USP40: variants seen among roughly 807,000 people sequenced by gnomAD.
USP40 encodes ubiquitin specific peptidase 40.
Under a neutral mutation model 166.2 loss-of-function variants are expected in USP40, and 143 were observed. The ratio of observed to expected loss-of-function variants is 0.86; its 90% CI spans 0.75 to 0.99. The LOEUF (loss-of-function observed/expected upper bound fraction) is 0.99, where lower values mean the gene tolerates loss of function less well. Among genes scored for constraint, USP40 ranks in the 50% least tolerant of loss-of-function variants. The probability of loss-of-function intolerance (pLI) is 0.00; values close to 1 mark genes in which losing one functional copy is unlikely to be tolerated. For synonymous variants in USP40, 498 were observed against 524.0 expected, an observed-to-expected ratio of 0.95 and a Z score of 0.68; for missense variants, 1,444 against 1,479.7, an observed-to-expected ratio of 0.98 and a Z score of 0.40.
chr2:233,550,427 T>A (rs2070446234), intron 7 of USP40, among the ~76,000 whole-genome samples: 1 of 152,000 alleles, frequency 6.6e-6, no homozygotes, highest in Non-Finnish European at 1.5e-5. Flanking sequence ...GAAAATTATT[T>A]ATTTGGTTAC....
intron 8 of USP40, among the ~76,000 whole-genome samples, chr2:233,547,410 A>G (rs1361224971): frequency 6.6e-6 from 1 of 152,212 alleles, no homozygotes; most frequent in Non-Finnish European, 1.5e-5. Context: ...TGTCAGAAAT[A>G]CAGACGAACA....
chr2:233,536,257 G>T (rs1486729537), intron 10 of USP40, among the ~76,000 whole-genome samples: 1 of 152,116 alleles, frequency 6.6e-6, no homozygotes, highest in African/African-American at 2.4e-5. Context: ...TTTCAGCAAA[G>T]AAATGTACAC....
At chr2:233,557,060 G>C in intron 4 of USP40, 41 bp from the exon 5 acceptor site, 1 of 1,548,054 alleles carries the variant, frequency 6.5e-7, no homozygotes, top group Non-Finnish European at 8.7e-7. Context: ...CCGGGCTTCA[G>C]ATTTTTTAAA....
Position 233,510,699 on chromosome 2 carries a change from C to T in USP40, c.2527-564G>A, listed in dbSNP as rs181753983. Among the ~76,000 whole-genome samples, 54 of 152,148 alleles carry T rather than the reference C, an allele frequency of 3.5e-4. No individual in the cohort carries two copies. In the East Asian group the frequency reaches 9.6e-3, roughly 27 times the overall value. On this transcript the variant is annotated intron_variant, in intron 20 of 31. Transcript: ENST00000678225. ...GATTACAGATGTGAGCCACCGCGCC[C>T]GGCCAACATACACTATTTCTTCTAC...
intron 11 of USP40, among the ~76,000 whole-genome samples, chr2:233,531,235 T>G (rs2068500099): frequency 6.6e-6 from 1 of 152,214 alleles, no homozygotes; most frequent in South Asian, 2.1e-4. Flanking sequence ...TCTACCTTTT[T>G]GCATTACCAC....
chr2:233,515,772 T>C (rs2067146867), intron 18 of USP40, among the ~76,000 whole-genome samples: 1 of 152,226 alleles, frequency 6.6e-6, no homozygotes, highest in South Asian at 2.1e-4. Context: ...TATGATAAAG[T>C]AACAAAGATT....
chr2:233,526,798 C>T (rs551852627), intron 13 of USP40, among the ~76,000 whole-genome samples: 1 of 152,148 alleles, frequency 6.6e-6, no homozygotes, highest in South Asian at 2.1e-4. Flanking sequence ...ATCACACTGC[C>T]TCAACTTCAA....
In USP40 at chr2:233,493,333, A is replaced by G. The variant is rs1462637394; in HGVS notation, c.2917+92T>C. On this transcript the variant is annotated intron_variant, in intron 25 of 31. Coordinates refer to ENST00000678225, the MANE Select transcript of USP40 (RefSeq NM_001365479.2). This position sits in a 1 kb window ranked among gnomAD's most constrained non-coding sequence, Gnocchi z 4.7. ...TGATTTTCAAGATCTTACGTTTTAAAAATAAATATATCAATTGACTCTCAG... is the reference window on the plus strand; with the variant it reads ...TGATTTTCAAGATCTTACGTTTTAAGAATAAATATATCAATTGACTCTCAG... 1 of 1,551,862 alleles carries G rather than the reference A, an allele frequency of 6.4e-7. No homozygotes were observed.
At chr2:233,553,487 G>A (rs907483734) in intron 6 of USP40, among the ~76,000 whole-genome samples, 7 of 152,128 alleles carry the variant, frequency 4.6e-5, no homozygotes, top group Non-Finnish European at 8.8e-5. Flanking sequence ...ATCAGTACTG[G>A]GATAAAACAC....
rs2066871873 is a variant in USP40 at position 233,511,948 on chromosome 2, A to G, written c.2438-151T>C. ...TCAGACAAAAGGATTACATGCACTA[A>G]GATTAGGTTTGATTTTCAATTTCCA... On this transcript the variant is annotated intron_variant, in intron 19 of 31. Coordinates refer to ENST00000678225, the MANE Select transcript of USP40 (RefSeq NM_001365479.2). 17 of 595,548 alleles carry G rather than the reference A, an allele frequency of 2.9e-5. No homozygotes were observed. In the South Asian group the frequency reaches 4.0e-4, roughly 14 times the overall value. 36.9% of individuals were successfully genotyped at this position (595,548 alleles called of 1,614,324 possible). A position where few individuals can be genotyped will look rare whatever the true frequency, so the allele number is the denominator to read the frequency against.
At chr2:233,489,813 G>C (rs968361301) in intron 26 of USP40, 1 of 218,370 alleles carries the variant, frequency 4.6e-6, no homozygotes, top group African/African-American at 2.4e-5. Context: ...GAATTCACCA[G>C]GGCAGAGCCC....
In USP40 at chr2:233,519,672, C is replaced by T; in HGVS notation, c.2326-1G>A. ...CTTTAATTCGAATATCAAACACCAT[C>T]TAAAACAGAGAAATAAAATAATGAC... On this transcript the variant is annotated splice_acceptor_variant, in intron 17 of 31. Transcript: ENST00000678225. LOFTEE classifies it high-confidence loss of function. 5 of 1,395,632 alleles carry T rather than the reference C, an allele frequency of 3.6e-6. No homozygotes were observed. The highest frequency in any genetic ancestry group is 4.9e-6 in the Non-Finnish European group (5 of 1,019,974). 86.5% of individuals were successfully genotyped at this position (1,395,632 alleles called of 1,614,324 possible). A position where few individuals can be genotyped will look rare whatever the true frequency, so the allele number is the denominator to read the frequency against.
chr2:233,531,602 T>C (rs1249937990), intron 11 of USP40, among the ~76,000 whole-genome samples: 2 of 152,220 alleles, frequency 1.3e-5, no homozygotes, highest in South Asian at 4.1e-4. Context: ...ACCATTTCCA[T>C]ATCTTTTTTT....
chr2:233,491,703 C>A (rs1468687657), intron 25 of USP40, among the ~76,000 whole-genome samples: 2 of 152,048 alleles, frequency 1.3e-5, no homozygotes, highest in Non-Finnish European at 2.9e-5. Flanking sequence ...AGGAGGCAGG[C>A]CATCTATCTT....
chr2:233,515,617 C>T (rs2067138137), intron 18 of USP40, among the ~76,000 whole-genome samples: 1 of 151,522 alleles, frequency 6.6e-6, no homozygotes. Flanking sequence ...ATATGTGTTT[C>T]ATAAATATTT....
At chr2:233,487,877 T>C (rs1005638404) in intron 28 of USP40, 4 of 501,602 alleles carry the variant, frequency 8.0e-6, no homozygotes, top group African/African-American at 5.8e-5. Flanking sequence ...ATGAAGAAAG[T>C]AGAATAAGGG....
In USP40 at chr2:233,552,936, G is replaced by C. The variant is rs138776561; in HGVS notation, c.694-1417C>G. The stretch of plus-strand genomic sequence containing the variant: ...TCTTGTGGTAGCTGTTTAAGACAAT[G>C]TTCAGTAACCCACTGAGTGAACTGA... On this transcript the variant is annotated intron_variant, in intron 6 of 31. Coordinates refer to ENST00000678225, the MANE Select transcript of USP40 (RefSeq NM_001365479.2). 1.4e-3 allele frequency among the ~76,000 whole-genome samples: 214 copies of C among 152,292 alleles called. 2 individuals are homozygous for C. The highest frequency in any genetic ancestry group is 4.8e-3 in the African/African-American group (198 of 41,558).
chr2:233,540,607 G>T, intron 10 of USP40, 55 bp downstream of exon 10: 1 of 1,068,186 alleles, frequency 9.4e-7, no homozygotes, highest in Non-Finnish European at 1.4e-6. Context: ...ATGTTGTTGC[G>T]ATCATAATGA....
intron 10 of USP40, among the ~76,000 whole-genome samples, chr2:233,537,791 G>C (rs2069041053): frequency 6.6e-6 from 1 of 152,072 alleles, no homozygotes; most frequent in Non-Finnish European, 1.5e-5. Context: ...CTGCAATTCT[G>C]AACTTCAAGA....
Sources: allele counts gnomAD v4.1 joint callset (sites outside exome capture counted in the v4.1 genomes callset), GRCh38; gene constraint gnomAD v4.1.1; non-coding constraint Gnocchi (gnomAD v3.1); transcripts MANE v1.5; gene names NCBI Gene and HGNC (gene_info 2026-07-23, HGNC 2026-07-21).